Variants in OPCML observed in about 807,000 individuals in gnomAD.
OPCML encodes opioid binding protein/cell adhesion molecule like.
OPCML carries 13 observed loss-of-function variants against 37.8 expected under a neutral mutation model. The ratio of observed to expected loss-of-function variants is 0.34; its 90% confidence interval spans 0.22 to 0.55. OPCML has a LOEUF of 0.55. OPCML is among the 20% of genes least tolerant of loss of function. OPCML has a pLI of 0.91. For missense variants in OPCML, 341 were observed against 435.6 expected (o/e 0.78, Z 1.93); for synonymous variants, 176 against 168.8 (o/e 1.04, Z -0.33).
intron 2 of OPCML, among the ~76,000 whole-genome samples, chr11:132,719,172 T>C (rs1183388289): frequency 6.6e-6 from 1 of 152,232 alleles, no homozygotes; most frequent in Non-Finnish European, 1.5e-5. Context: ...AGGCGCGTGT[T>C]CTTCTGTCAT....
intron 4 of OPCML, among the ~76,000 whole-genome samples, chr11:132,492,825 G>A (rs567939194): frequency 6.6e-6 from 1 of 152,282 alleles, no homozygotes; most frequent in South Asian, 2.1e-4. Context: ...AGAGTGCCTG[G>A]TGCACAGTAA....
At chr11:133,129,635 T>C (rs1261277042) in intron 1 of OPCML, among the ~76,000 whole-genome samples, 1 of 152,126 alleles carries the variant, frequency 6.6e-6, no homozygotes, top group African/African-American at 2.4e-5. Context: ...GGGTGTGGTG[T>C]CTCACACTTA....
intron 1 of OPCML, among the ~76,000 whole-genome samples, chr11:132,952,227 C>T (rs981166546): frequency 2.0e-5 from 3 of 152,004 alleles, no homozygotes; most frequent in Admixed American, 2.0e-4. Context: ...TCTCTGGGGC[C>T]CTCTGGTCAT....
intron 1 of OPCML, among the ~76,000 whole-genome samples, chr11:133,500,199 T>C (rs1947882043): frequency 6.6e-6 from 1 of 152,144 alleles, no homozygotes; most frequent in Non-Finnish European, 1.5e-5. Context: ...ATTAATTCAA[T>C]TCCAAACATC....
chr11:133,238,193 G>A (rs993137448), intron 1 of OPCML, among the ~76,000 whole-genome samples: 3 of 152,134 alleles, frequency 2.0e-5, no homozygotes, highest in African/African-American at 7.2e-5. Context: ...GTCCCGGATA[G>A]CAGGACCAGG....
chr11:132,940,825 G>T (rs1356811709), intron 2 of OPCML, among the ~76,000 whole-genome samples: 3 of 152,122 alleles, frequency 2.0e-5, no homozygotes, highest in African/African-American at 7.2e-5. Flanking sequence ...AAAATAATGA[G>T]TAATAGACGA....
chr11:132,615,573 C>T (rs947035740), intron 3 of OPCML, among the ~76,000 whole-genome samples: 3 of 152,008 alleles, frequency 2.0e-5, no homozygotes, highest in Admixed American at 2.0e-4. Flanking sequence ...ATCTATGTAG[C>T]ATTTACATTT....
At chr11:132,635,851 A>G (rs560957499) in intron 3 of OPCML, among the ~76,000 whole-genome samples, 4 of 152,282 alleles carry the variant, frequency 2.6e-5, no homozygotes, top group African/African-American at 9.6e-5. Context: ...GAATCTCCCC[A>G]AACAGAACCA....
Position 132,436,792 on chromosome 11 carries a change from C to A in OPCML, c.644-13G>T, listed in dbSNP as rs1218498712. 1.2e-6 allele frequency: 2 copies of A among 1,606,914 alleles called. No homozygotes were observed. Among genetic ancestry groups the A allele is most frequent in the Admixed American group, 3.3e-5 (2 of 59,818 alleles). ...ATATAGGGAGGATCTGTGGGAAACA[C>A]ACACACACACATGCACAGGCATGCA... On this transcript the variant is annotated splice_polypyrimidine_tract_variant and intron_variant, in intron 5 of 7. Coordinates refer to ENST00000524381, the MANE Select transcript of OPCML (RefSeq NM_001012393.5).
At chr11:132,609,085 G>T (rs974537195) in intron 3 of OPCML, among the ~76,000 whole-genome samples, 1 of 151,660 alleles carries the variant, frequency 6.6e-6, no homozygotes, top group African/African-American at 2.4e-5. Context: ...AATACACCGA[G>T]AACTGACCCA....
intron 2 of OPCML, among the ~76,000 whole-genome samples, chr11:132,745,660 T>A (rs1443996851): frequency 6.6e-6 from 1 of 151,660 alleles, no homozygotes; most frequent in Non-Finnish European, 1.5e-5. Context: ...TTTTTCTCCA[T>A]CTTCCCAACC....
chr11:133,310,397 T>C (rs997990161), intron 1 of OPCML, among the ~76,000 whole-genome samples: 19 of 152,168 alleles, frequency 1.2e-4, no homozygotes, highest in African/African-American at 3.6e-4. Context: ...TGCTTGAATC[T>C]CAGATTTTAT....
intron 1 of OPCML, among the ~76,000 whole-genome samples, chr11:133,407,468 T>A (rs1487985207): frequency 6.6e-6 from 1 of 152,112 alleles, no homozygotes; most frequent in East Asian, 1.9e-4. Flanking sequence ...CGGCATGCAG[T>A]GGTGGAGTTT....
chr11:133,465,547 CA>C (rs1232743854), intron 1 of OPCML, among the ~76,000 whole-genome samples: 1 of 152,140 alleles, frequency 6.6e-6, no homozygotes, highest in Non-Finnish European at 1.5e-5. Context: ...GGGGTTATGA[CA>C]ATACACCTCC....
intron 4 of OPCML, among the ~76,000 whole-genome samples, chr11:132,512,221 A>T (rs1186789368): frequency 6.6e-6 from 1 of 152,122 alleles, no homozygotes; most frequent in African/African-American, 2.4e-5. Context: ...ATACTATACA[A>T]TGACAAGCCT....
At chr11:132,795,596 A>C (rs995450352) in intron 2 of OPCML, among the ~76,000 whole-genome samples, 1 of 152,194 alleles carries the variant, frequency 6.6e-6, no homozygotes, top group African/African-American at 2.4e-5. Flanking sequence ...CTAGGAAGCC[A>C]TGTATCTACT....
intron 3 of OPCML, among the ~76,000 whole-genome samples, chr11:132,576,589 G>T (rs971444136): frequency 6.6e-6 from 1 of 151,914 alleles, no homozygotes; most frequent in African/African-American, 2.4e-5. Flanking sequence ...TCTCTCTTAG[G>T]TAAATTATGT....
intron 1 of OPCML, among the ~76,000 whole-genome samples, chr11:133,372,581 A>G (rs1379916821): frequency 6.6e-6 from 1 of 152,236 alleles, no homozygotes; most frequent in Non-Finnish European, 1.5e-5. Flanking sequence ...ATTAAAATAA[A>G]TCGTTCTCCT....
At chr11:132,678,905 G>C (rs914195918) in intron 2 of OPCML, among the ~76,000 whole-genome samples, 2 of 152,094 alleles carry the variant, frequency 1.3e-5, no homozygotes, top group Admixed American at 6.6e-5. Flanking sequence ...TGTCATTGTA[G>C]GTTCCTCAGC....
Sources: gnomAD v4.1 joint callset for allele counts (sites outside exome capture counted in the v4.1 genomes callset) on GRCh38, gnomAD v4.1.1 for gene constraint, MANE v1.5 for transcripts, NCBI Gene and HGNC (gene_info 2026-07-23, HGNC 2026-07-21) for gene names.